Variants in GALNT17 observed in about 807,000 individuals in gnomAD.
The protein encoded by GALNT17 is polypeptide N-acetylgalactosaminyltransferase 17.
In GALNT17, 29 loss-of-function variants were observed where a neutral mutation model predicts 63.7. The ratio of observed to expected loss-of-function variants is 0.46; its 90% CI spans 0.34 to 0.62. GALNT17 has a LOEUF of 0.62. GALNT17 is among the 20% of genes least tolerant of loss of function. The pLI is 0.01. For missense variants in GALNT17, 603 were observed against 799.6 expected (o/e 0.75, Z 2.97); for synonymous variants, 305 against 318.3 (o/e 0.96, Z 0.45).
chr7:71,530,734 A>T (rs188707755), intron 5 of GALNT17, among the ~76,000 whole-genome samples: 1 of 151,948 alleles, frequency 6.6e-6, no homozygotes, highest in Non-Finnish European at 1.5e-5. Flanking sequence ...GGCCTGGCTA[A>T]TTTTTTCTAT....
intron 5 of GALNT17, among the ~76,000 whole-genome samples, chr7:71,509,199 T>C (rs1788313982): frequency 6.6e-6 from 1 of 152,232 alleles, no homozygotes; most frequent in Non-Finnish European, 1.5e-5. Context: ...TATGCAACAC[T>C]TTATTATAAA....
chr7:71,427,889 G>A (rs1458309399), intron 5 of GALNT17, among the ~76,000 whole-genome samples: 1 of 152,142 alleles, frequency 6.6e-6, no homozygotes, highest in Non-Finnish European at 1.5e-5. Context: ...AAGGATGTAG[G>A]TTACGTGTTG....
intron 1 of GALNT17, among the ~76,000 whole-genome samples, chr7:71,233,608 A>T (rs1033999537): frequency 2.6e-5 from 4 of 152,178 alleles, no homozygotes; most frequent in Admixed American, 6.5e-5. Context: ...TATATTCAGG[A>T]CAAGGGGAGC....
intron 1 of GALNT17, among the ~76,000 whole-genome samples, chr7:71,169,489 C>T (rs1034336732): frequency 3.3e-5 from 5 of 152,082 alleles, no homozygotes; most frequent in Non-Finnish European, 5.9e-5. Flanking sequence ...TCTGTTTCTC[C>T]GTCTTGGTTC....
chr7:71,617,933 C>A (rs1305065735), intron 6 of GALNT17, among the ~76,000 whole-genome samples: 1 of 152,068 alleles, frequency 6.6e-6, no homozygotes, highest in Non-Finnish European at 1.5e-5. Flanking sequence ...AGGTATGAGC[C>A]ACTGCGCCCA....
At chr7:71,241,689 A>G (rs917171350) in intron 1 of GALNT17, among the ~76,000 whole-genome samples, 3 of 152,000 alleles carry the variant, frequency 2.0e-5, no homozygotes, top group Non-Finnish European at 2.9e-5. Flanking sequence ...GGAGTTCCCA[A>G]CCAGCTTGGA....
At chr7:71,606,832 C>A in intron 6 of GALNT17, among the ~76,000 whole-genome samples, 1 of 152,174 alleles carries the variant, frequency 6.6e-6, no homozygotes, top group East Asian at 1.9e-4. Flanking sequence ...TCACAGTTCT[C>A]TACAACTGGA....
intron 1 of GALNT17, among the ~76,000 whole-genome samples, chr7:71,187,282 C>CTT (rs752197934): frequency 6.4e-5 from 9 of 141,084 alleles, no homozygotes; most frequent in South Asian, 2.2e-4. Context: ...GCTAATTTTT[C>CTT]TTTCTTTTTT....
intron 1 of GALNT17, among the ~76,000 whole-genome samples, chr7:71,240,092 G>C (rs973909795): frequency 6.6e-6 from 1 of 152,144 alleles, no homozygotes; most frequent in South Asian, 2.1e-4. Context: ...TTTTCCCTTA[G>C]AGGGTGGAAC....
intron 5 of GALNT17, among the ~76,000 whole-genome samples, chr7:71,551,538 T>G (rs144182382): frequency 1.3e-5 from 2 of 152,224 alleles, no homozygotes; most frequent in East Asian, 3.9e-4. Flanking sequence ...TTAGAGATGT[T>G]AGCTACTGTG....
chr7:71,328,520 T>C (rs115078713), intron 1 of GALNT17, among the ~76,000 whole-genome samples: 4,736 of 152,220 alleles, frequency 0.031, 203 homozygotes, highest in African/African-American at 0.088. Flanking sequence ...TCATCCCAAC[T>C]TGCTCCAACG....
At chr7:71,236,316 G>C (rs1789890489) in intron 1 of GALNT17, among the ~76,000 whole-genome samples, 1 of 152,116 alleles carries the variant, frequency 6.6e-6, no homozygotes, top group Non-Finnish European at 1.5e-5. Context: ...AATTTTCAAT[G>C]GTGTAAAACT....
intron 5 of GALNT17, among the ~76,000 whole-genome samples, chr7:71,510,081 G>A (rs1788330987): frequency 6.6e-6 from 1 of 151,920 alleles, no homozygotes; most frequent in Non-Finnish European, 1.5e-5. Context: ...AGTAGCTGGG[G>A]CTACAGGTGT....
rs1463385397 is a variant in GALNT17, at chr7:71,158,165, CT to C, written c.238+25126del. Among the ~76,000 whole-genome samples the C allele has an allele frequency of 2.6e-5, 4 of 151,028 alleles. 1 individual carries two copies. Among genetic ancestry groups the C allele is most frequent in the African/African-American group, 9.8e-5 (4 of 40,720 alleles). On this transcript the variant is annotated intron_variant, in intron 1 of 10. Coordinates refer to ENST00000333538, the MANE Select transcript of GALNT17 (RefSeq NM_022479.3). ...CCATACTCAGTGGAATTGCTATATC[CT>C]ATGGTAGTTAGTTCTATTTTTATTT...
chr7:71,613,376 G>T (rs1790152670), intron 6 of GALNT17, among the ~76,000 whole-genome samples: 2 of 152,194 alleles, frequency 1.3e-5, no homozygotes, highest in South Asian at 4.1e-4. Flanking sequence ...AGACAAACAG[G>T]AATTGACCGT....
intron 3 of GALNT17, among the ~76,000 whole-genome samples, chr7:71,393,076 TCTTCCTTCCTGTGTTCCTAATA>T (rs1477539407): frequency 6.6e-6 from 1 of 152,228 alleles, no homozygotes; most frequent in Non-Finnish European, 1.5e-5. Context: ...TTATAATGAC[TCTTCCTTCCTGTGTTCCTAATA>T]CTTGTTTTCT....
rs143966508 is a variant in GALNT17, at chr7:71,471,148, G to C, written c.962+50043G>C. Among the ~76,000 whole-genome samples, 797 of 151,810 alleles carry C rather than the reference G, an allele frequency of 5.2e-3. 8 individuals carry two copies. The highest frequency in any genetic ancestry group is 0.018 in the African/African-American group (761 of 41,390). ...GCTGGAGTGCAGCAATGTGATCTTG[G>C]CTGACTGCAACTTCAGGCTCCAGGC... is the stretch of plus-strand genomic sequence containing the variant. On this transcript the variant is annotated intron_variant, in intron 5 of 10. Transcript: ENST00000333538.
intron 1 of GALNT17, among the ~76,000 whole-genome samples, chr7:71,147,734 C>T (rs1363569635): frequency 6.6e-6 from 1 of 152,068 alleles, no homozygotes; most frequent in East Asian, 1.9e-4. Context: ...CAGGTTCCAT[C>T]GATTCTCCTG....
chr7:71,709,355 T>G (rs1160996787), intron 9 of GALNT17, among the ~76,000 whole-genome samples: 1 of 152,242 alleles, frequency 6.6e-6, no homozygotes, highest in Non-Finnish European at 1.5e-5. Context: ...CACTTGTATG[T>G]CTTCTAGTGA....
Sources: allele counts gnomAD v4.1 joint callset (sites outside exome capture counted in the v4.1 genomes callset), GRCh38; gene constraint gnomAD v4.1.1; transcripts MANE v1.5; gene names NCBI Gene and HGNC (gene_info 2026-07-23, HGNC 2026-07-21).